Variants in UNC5C observed in about 807,000 individuals in gnomAD.
UNC5C encodes the protein unc-5 netrin receptor C, also known as netrin receptor UNC5C.
UNC5C carries 47 observed loss-of-function variants against 99.8 expected under a neutral mutation model. The observed-to-expected ratio is 0.47, with a 90% confidence interval of 0.37 to 0.60. The LOEUF (loss-of-function observed/expected upper bound fraction) is 0.60. Among genes scored for constraint, UNC5C ranks in the 20% least tolerant of loss-of-function variants. The probability of loss-of-function intolerance (pLI) is 0.00; values close to 1 mark genes in which losing one functional copy is unlikely to be tolerated. For synonymous variants in UNC5C, 487 were observed against 452.2 expected (o/e 1.08, Z -0.98); for missense variants, 1,062 against 1,165.9 (o/e 0.91, Z 1.30).
At chr4:95,242,342 T>C in intron 7 of UNC5C, 87 bp downstream of exon 7, 1 of 1,523,128 alleles carries the variant, frequency 6.6e-7, no homozygotes, top group Non-Finnish European at 8.9e-7. Flanking sequence ...TTGAAAGAAT[T>C]CTTTATTTCT....
chr4:95,415,543 G>A (rs1746138003), intron 1 of UNC5C, among the ~76,000 whole-genome samples: 1 of 152,042 alleles, frequency 6.6e-6, no homozygotes, highest in African/African-American at 2.4e-5. Context: ...TATTTATTGA[G>A]GGTTGTTTAT....
intron 1 of UNC5C, among the ~76,000 whole-genome samples, chr4:95,353,272 A>G (rs1744052710): frequency 6.6e-6 from 1 of 152,258 alleles, no homozygotes; most frequent in Non-Finnish European, 1.5e-5. Context: ...TTTTCATTTT[A>G]AGTGAACACA....
chr4:95,247,549 C>G (rs992784513), intron 5 of UNC5C, among the ~76,000 whole-genome samples: 1 of 152,122 alleles, frequency 6.6e-6, no homozygotes, highest in African/African-American at 2.4e-5. Context: ...ATGAAAAAGT[C>G]TTTGAAGATC....
At chr4:95,309,347 G>A (rs1033025282) in intron 2 of UNC5C, among the ~76,000 whole-genome samples, 3 of 151,812 alleles carry the variant, frequency 2.0e-5, no homozygotes, top group African/African-American at 7.2e-5. Flanking sequence ...AAACATAGAG[G>A]AAAAGCTCCT....
intron 2 of UNC5C, among the ~76,000 whole-genome samples, chr4:95,334,208 A>G (rs550416232): frequency 1.3e-5 from 2 of 152,158 alleles, no homozygotes; most frequent in African/African-American, 4.8e-5. Context: ...TGTCACATCA[A>G]TATGCTATTT....
rs1015897042 is a variant in UNC5C, at chr4:95,165,078, G to A, written c.*4156C>T. 6.6e-6 allele frequency: 1 copy of A among 152,210 alleles called. No individual in the cohort carries two copies. Among genetic ancestry groups the A allele is most frequent in the Non-Finnish European group, 1.5e-5 (1 of 68,044 alleles). 9.4% of individuals were successfully genotyped at this position (152,210 alleles called of 1,614,324 possible). ...GCTGTGATCCTGACAGAGACACACA[G>A]AAGGACACGAGACAAGAGCCTTGTT... On this transcript the variant is annotated 3_prime_UTR_variant, in exon 16 of 16. Coordinates refer to ENST00000453304, the MANE Select transcript of UNC5C (RefSeq NM_003728.4).
intron 1 of UNC5C, among the ~76,000 whole-genome samples, chr4:95,502,688 A>G (rs916293355): frequency 2.0e-5 from 3 of 152,182 alleles, no homozygotes; most frequent in Non-Finnish European, 4.4e-5. Flanking sequence ...CACTCAGTAC[A>G]TGTCAGTTAC....
rs34793185 is a variant in UNC5C, at chr4:95,469,578, C to CT, written c.124+79155dup. Reference sequence around the variant, plus strand: ...AGTGACGGTTTCACATATTTCCTTTCTTTTTTTTTACAATCGTCCTTAAAC... The same window carrying CT: ...AGTGACGGTTTCACATATTTCCTTTCTTTTTTTTTTACAATCGTCCTTAAAC... On this transcript the variant is annotated intron_variant, in intron 1 of 15. Coordinates refer to ENST00000453304, the MANE Select transcript of UNC5C (RefSeq NM_003728.4). 9.9e-5 allele frequency among the ~76,000 whole-genome samples: 15 copies of CT among 151,648 alleles called. No individual in the cohort carries two copies. In the South Asian group the frequency reaches 1.5e-3, roughly 15 times the overall value.
chr4:95,333,686 C>T (rs1195304145), intron 2 of UNC5C, among the ~76,000 whole-genome samples: 1 of 152,048 alleles, frequency 6.6e-6, no homozygotes, highest in Admixed American at 6.6e-5. Flanking sequence ...CTAACCTGCA[C>T]ATTGTGCACA....
At chr4:95,286,022 T>A (rs1741223032) in intron 3 of UNC5C, among the ~76,000 whole-genome samples, 1 of 152,164 alleles carries the variant, frequency 6.6e-6, no homozygotes, top group Admixed American at 6.5e-5. Flanking sequence ...TTCATCAGCT[T>A]ATAAATGGGT....
At chr4:95,455,023 C>T (rs1686012276) in intron 1 of UNC5C, among the ~76,000 whole-genome samples, 1 of 151,966 alleles carries the variant, frequency 6.6e-6, no homozygotes, top group African/African-American at 2.4e-5. Flanking sequence ...AGAAATTATA[C>T]TGCTCTCTTA....
chr4:95,512,995 G>A (rs572808429), intron 1 of UNC5C, among the ~76,000 whole-genome samples: 2 of 152,144 alleles, frequency 1.3e-5, no homozygotes, highest in African/African-American at 2.4e-5. Flanking sequence ...CTGCAAAGAT[G>A]TCCTTCAACA....
At chr4:95,248,171 G>A (rs1234505019) in intron 5 of UNC5C, 1 of 228,292 alleles carries the variant, frequency 4.4e-6, no homozygotes, top group Non-Finnish European at 8.7e-6. Flanking sequence ...CATCTGAATG[G>A]TACTGTGGGG....
intron 9 of UNC5C, among the ~76,000 whole-genome samples, chr4:95,218,450 G>A (rs1738339994): frequency 1.3e-5 from 2 of 152,174 alleles, no homozygotes; most frequent in African/African-American, 2.4e-5. Flanking sequence ...GTAGGAGTGA[G>A]TACAGTGTAC....
chr4:95,408,546 G>A (rs1219239290), intron 1 of UNC5C, among the ~76,000 whole-genome samples: 1 of 152,042 alleles, frequency 6.6e-6, no homozygotes, highest in African/African-American at 2.4e-5. Context: ...CAATAGTAAA[G>A]CATTTGTTAC....
At chr4:95,486,432 C>G (rs1482532033) in intron 1 of UNC5C, among the ~76,000 whole-genome samples, 1 of 151,820 alleles carries the variant, frequency 6.6e-6, no homozygotes, top group Middle Eastern at 3.4e-3. Flanking sequence ...GGCATCTCTT[C>G]TTGACATTTC....
chr4:95,163,092 G>A lies in UNC5C; in HGVS notation c.*6142C>T, dbSNP rs552316673. On this transcript the variant is annotated 3_prime_UTR_variant, in exon 16 of 16. Transcript: ENST00000453304. ...AGTGATGTTCCCTGCAACTGGGCTC[G>A]ATGCATTATGTCTGGAGGGCGAGGG... 35 of 152,362 alleles carry A rather than the reference G, an allele frequency of 2.3e-4. No individual in the cohort carries two copies. The highest frequency in any genetic ancestry group is 2.1e-3 in the Admixed American group (32 of 15,290). 9.4% of individuals were successfully genotyped at this position (152,362 alleles called of 1,614,324 possible).
chr4:95,301,740 A>C lies in UNC5C; in HGVS notation c.356T>G (p.Val119Gly), dbSNP rs781704992. 6.2e-7 allele frequency: 1 copy of C among 1,612,778 alleles called. No individual in the cohort carries two copies. Among genetic ancestry groups the C allele is most frequent in the Non-Finnish European group, 8.5e-7 (1 of 1,179,992 alleles). Reference sequence around the variant, plus strand: ...CGAAATCTCAATGCTCACTTCCCGGACAATGAGACCTGACAAGAGAAAAAG... The same window carrying C: ...CGAAATCTCAATGCTCACTTCCCGGCCAATGAGACCTGACAAGAGAAAAAG... ...ERVDETSGLI[V>G]REVSIEISRQ... Residue 119 changes from valine to glycine, a missense_variant, in exon 3 of 16, where the codon GTC (valine) becomes GGC (glycine). Around this residue, in one of 3 missense-constraint regions of UNC5C, gnomAD observed 249 missense variants for 295.1 expected, o/e 0.84. Transcript: ENST00000453304.
intron 2 of UNC5C, 99 bp downstream of exon 2, chr4:95,335,311 C>T: frequency 8.7e-7 from 1 of 1,146,314 alleles, no homozygotes; most frequent in African/African-American, 1.5e-5. Context: ...AGAATAACTC[C>T]ATTTTCCATT....
Sources: gnomAD v4.1 joint callset for allele counts (sites outside exome capture counted in the v4.1 genomes callset) on GRCh38, gnomAD v4.1.1 for gene constraint, gnomAD v4.1.1 regional missense constraint, MANE v1.5 for transcripts, NCBI Gene and HGNC (gene_info 2026-07-23, HGNC 2026-07-21) for gene names.